The following ARL13A variants were observed in gnomAD, a reference collection of about 807,000 sequenced individuals.
The protein encoded by ARL13A is ADP-ribosylation factor-like protein 13A.
A neutral mutation model predicts 19.1 loss-of-function variants in ARL13A; 16 were observed. That is an observed-to-expected ratio of 0.84 (90% CI 0.57 to 1.27). The LOEUF is 1.27. ARL13A is among the 50% of genes most tolerant of loss of function. ARL13A has a pLI of 0.00. For synonymous variants in ARL13A, 69 were observed against 71.3 expected, an observed-to-expected ratio of 0.97 and a Z score of 0.17; for missense variants, 153 against 186.4, an observed-to-expected ratio of 0.82 and a Z score of 1.04.
chrX:100,988,869 T>TGAGATA (rs2085979355), intron 7 of ARL13A, among the ~76,000 whole-genome samples: 1 of 100,038 alleles, frequency 1.0e-5, no homozygotes, highest in African/African-American at 3.7e-5. Flanking sequence ...TATATATATA[T>TGAGATA]ATATATATAT....
intron 3 of ARL13A, among the ~76,000 whole-genome samples, chrX:100,976,655 C>A (rs769935685): frequency 8.9e-6 from 1 of 112,425 alleles, no homozygotes; most frequent in Non-Finnish European, 1.9e-5. Flanking sequence ...TCTTGTTGCC[C>A]AAGCTGGAGT....
At chrX:100,988,851 CATAT>C (rs55947893) in intron 7 of ARL13A, among the ~76,000 whole-genome samples, 15,949 of 79,458 alleles carry the variant, frequency 0.2, 1,308 homozygotes, top group Middle Eastern at 0.24. Context: ...TAATATATCT[CATAT>C]ATATATATAT....
At chrX:100,988,139 G>A in intron 6 of ARL13A, 54 bp from the exon 7 acceptor site, 1 of 999,008 alleles carries the variant, frequency 1.0e-6, no homozygotes, top group Non-Finnish European at 1.4e-6. Context: ...ATTAGATAAA[G>A]AAGCTTGAAG....
At position 100,980,061 on chromosome X, in the gene ARL13A, T is replaced by C. The variant is rs1403139548; in HGVS notation, c.131-5606T>C. On this transcript the variant is annotated intron_variant, in intron 3 of 7. Coordinates refer to ENST00000450049, the MANE Select transcript of ARL13A (RefSeq NM_001162491.2). ...TGAGTCACACATGAAGCCAACACAGTACTGAGTCTCACCTAAGGCCTGTGG... is the reference window on the plus strand; with the variant it reads ...TGAGTCACACATGAAGCCAACACAGCACTGAGTCTCACCTAAGGCCTGTGG... Among the ~76,000 whole-genome samples the C allele has an allele frequency of 1.2e-4, 13 of 110,871 alleles. No homozygotes were observed. In the Admixed American group the frequency reaches 1.2e-3, roughly 11 times the overall value.
intron 1 of ARL13A, among the ~76,000 whole-genome samples, chrX:100,972,462 C>T (rs1359727568): frequency 3.5e-4 from 34 of 96,930 alleles, no homozygotes; most frequent in African/African-American, 1.2e-3. Context: ...ACCTCCCAGA[C>T]GGGGCGGCTG....
At chrX:100,980,934 C>T (rs780126192) in intron 3 of ARL13A, among the ~76,000 whole-genome samples, 2 of 111,841 alleles carry the variant, frequency 1.8e-5, no homozygotes, top group African/African-American at 3.3e-5. Flanking sequence ...CTGCCTGGTA[C>T]TTTATTTTCC....
intron 3 of ARL13A, among the ~76,000 whole-genome samples, chrX:100,974,777 A>T: frequency 8.9e-6 from 1 of 112,131 alleles, no homozygotes; most frequent in South Asian, 3.7e-4. Flanking sequence ...AATTTCAGAA[A>T]GCTACTACAC....
chrX:100,986,368 T>A (rs1056901396), intron 4 of ARL13A, among the ~76,000 whole-genome samples: 1 of 111,805 alleles, frequency 8.9e-6, no homozygotes, highest in Admixed American at 9.5e-5. Flanking sequence ...TCCAGGGTGA[T>A]AATGCAGGTG....
At chrX:100,973,601 G>C (rs2085715149) in intron 1 of ARL13A, 75 bp from the exon 2 acceptor site, 2 of 1,028,707 alleles carry the variant, frequency 1.9e-6, no homozygotes, top group Non-Finnish European at 2.7e-6. Flanking sequence ...CACCTGTTTA[G>C]TCATAAGCTG....
At chrX:100,989,010 A>T (rs1006564011) in intron 7 of ARL13A, among the ~76,000 whole-genome samples, 1 of 109,139 alleles carries the variant, frequency 9.2e-6, no homozygotes, top group Admixed American at 1.0e-4. Context: ...GTGTACAATA[A>T]GTAAAAGTAG....
intron 3 of ARL13A, among the ~76,000 whole-genome samples, chrX:100,974,617 T>C (rs893706107): frequency 2.7e-5 from 3 of 111,577 alleles, no homozygotes; most frequent in South Asian, 3.7e-4. Context: ...GAGACAAGTG[T>C]GGGATGATAA....
chrX:100,979,220 G>T (rs2085815564), intron 3 of ARL13A, among the ~76,000 whole-genome samples: 1 of 111,145 alleles, frequency 9.0e-6, no homozygotes, highest in South Asian at 3.8e-4. Flanking sequence ...GTTACCAGGG[G>T]GTTTTATACC....
chrX:100,972,336 G>A (rs1278102799), intron 1 of ARL13A, among the ~76,000 whole-genome samples: 1 of 99,505 alleles, frequency 1.0e-5, no homozygotes, highest in Non-Finnish European at 2.1e-5. Context: ...CCTCCCGGAC[G>A]GGGCGGCTGG....
Position 100,988,510 on chromosome X carries a change from A to G in ARL13A, c.744+227A>G, listed in dbSNP as rs751441424. The stretch of plus-strand genomic sequence containing the variant: ...TACGAAGCTTTGCTACAATTGAAGG[A>G]GTGGCTTATAGACTCCAGCTCCATA... On this transcript the variant is annotated intron_variant, in intron 7 of 7. Coordinates refer to ENST00000450049, the MANE Select transcript of ARL13A (RefSeq NM_001162491.2). 3 of 1,158,377 alleles carry G rather than the reference A, an allele frequency of 2.6e-6. No homozygotes were observed. In the East Asian group the frequency reaches 9.8e-5, roughly 38 times the overall value.
intron 1 of ARL13A, 121 bp from the exon 2 acceptor site, chrX:100,973,555 T>C: frequency 2.1e-6 from 2 of 932,469 alleles, no homozygotes; most frequent in Non-Finnish European, 3.0e-6. Flanking sequence ...AATGAAGTAA[T>C]AGACTTCTAA....
chrX:100,979,118 A>G (rs933471989), intron 3 of ARL13A, among the ~76,000 whole-genome samples: 2 of 111,792 alleles, frequency 1.8e-5, no homozygotes, highest in Non-Finnish European at 3.8e-5. Flanking sequence ...TGATAGGTTC[A>G]TCTTTTAGTC....
At chrX:100,988,629 C>A in intron 7 of ARL13A, 1 of 804,788 alleles carries the variant, frequency 1.2e-6, no homozygotes, top group Non-Finnish European at 1.6e-6. Context: ...CAATAGTATT[C>A]CAATTTTGAG....
chrX:100,976,233 A>G (rs2085759993), intron 3 of ARL13A, among the ~76,000 whole-genome samples: 1 of 109,887 alleles, frequency 9.1e-6, no homozygotes, highest in African/African-American at 3.3e-5. Context: ...CTATATTTTA[A>G]GAACTCCTCA....
chrX:100,970,790 A>G (rs1169595561), intron 1 of ARL13A, among the ~76,000 whole-genome samples: 2 of 111,834 alleles, frequency 1.8e-5, no homozygotes, highest in African/African-American at 6.5e-5. Flanking sequence ...TCATTAGGAA[A>G]ATGTAAATTG....
Sources: allele counts gnomAD v4.1 joint callset (sites outside exome capture counted in the v4.1 genomes callset), GRCh38; gene constraint gnomAD v4.1.1; transcripts MANE v1.5; gene names NCBI Gene and HGNC (gene_info 2026-07-23, HGNC 2026-07-21).